Variants in PDE4D observed in about 807,000 individuals in gnomAD.
PDE4D encodes the protein phosphodiesterase 4D.
PDE4D carries 24 observed loss-of-function variants against 87.4 expected under a neutral mutation model. The observed-to-expected ratio is 0.27, with a 90% CI of 0.20 to 0.39. The LOEUF (loss-of-function observed/expected upper bound fraction) is 0.39, where lower values mean the gene tolerates loss of function less well. Among genes scored for constraint, PDE4D ranks in the 10% least tolerant of loss-of-function variants. The pLI, the probability that PDE4D is intolerant of heterozygous loss-of-function variation, is 1.00. For synonymous variants in PDE4D, 384 were observed against 383.2 expected (o/e 1.00, Z -0.02); for missense variants, 714 against 1,041.0 (o/e 0.69, Z 4.32).
chr5:59,001,813 T>A (rs984891063), intron 6 of PDE4D, among the ~76,000 whole-genome samples: 25 of 152,228 alleles, frequency 1.6e-4, no homozygotes, highest in Admixed American at 4.6e-4. Flanking sequence ...CTTAGTATAA[T>A]TACTTCCATT....
chr5:59,276,112 A>G, intron 1 of PDE4D: 14 of 630,522 alleles, frequency 2.2e-5, no homozygotes, highest in Non-Finnish European at 2.7e-5. Flanking sequence ...ACCGCAGGGC[A>G]GTGAGAAAGG....
intron 1 of PDE4D, among the ~76,000 whole-genome samples, chr5:59,817,491 C>T (rs1449905161): frequency 1.3e-5 from 2 of 152,124 alleles, no homozygotes; most frequent in East Asian, 3.9e-4. Flanking sequence ...GACTGTATTG[C>T]GTCCCTCACC....
At chr5:59,495,594 C>T (rs960785890) in intron 1 of PDE4D, among the ~76,000 whole-genome samples, 3 of 152,028 alleles carry the variant, frequency 2.0e-5, no homozygotes, top group African/African-American at 4.8e-5. Flanking sequence ...TGCTTGGATG[C>T]GATAGAGAAG....
intron 1 of PDE4D, among the ~76,000 whole-genome samples, chr5:60,394,335 C>T (rs1024854950): frequency 6.6e-6 from 1 of 152,186 alleles, no homozygotes; most frequent in Admixed American, 6.5e-5. Context: ...ATAGTGGCAG[C>T]TCTTGCCTCC....
chr5:60,251,768 T>C (rs995973387), intron 1 of PDE4D, among the ~76,000 whole-genome samples: 1 of 151,904 alleles, frequency 6.6e-6, no homozygotes, highest in South Asian at 2.1e-4. Context: ...GTAAAAAAGA[T>C]ATTTTTGTAA....
At position 59,369,231 on chromosome 5, in the gene PDE4D, G is replaced by T. The variant is rs1453090848; in HGVS notation, c.456-153263C>A. On this transcript the variant is annotated intron_variant, in intron 1 of 14. Coordinates refer to ENST00000340635, the MANE Select transcript of PDE4D (RefSeq NM_001104631.2). ...GGCAGACAAGGACGGTAACAAGTCT[G>T]TGTAGGAATCTACACATATCTAGTG... is the stretch of plus-strand genomic sequence containing the variant. 3.3e-5 allele frequency among the ~76,000 whole-genome samples: 5 copies of T among 151,914 alleles called. No individual in the cohort carries two copies. The East Asian group carries it at 9.7e-4, about 29-fold the overall frequency.
At chr5:59,677,819 G>A (rs1057038356) in intron 1 of PDE4D, among the ~76,000 whole-genome samples, 2 of 152,092 alleles carry the variant, frequency 1.3e-5, no homozygotes, top group African/African-American at 4.8e-5. Flanking sequence ...CCCCTCCTAG[G>A]TGTGACCCAT....
intron 1 of PDE4D, among the ~76,000 whole-genome samples, chr5:59,709,033 C>A (rs78942111): frequency 0.048 from 7,344 of 151,736 alleles, 247 homozygotes; most frequent in Middle Eastern, 0.15. Flanking sequence ...ACATTTTAGA[C>A]TTAAAAAGTG....
At chr5:59,686,414 GA>G (rs1468035700) in intron 1 of PDE4D, among the ~76,000 whole-genome samples, 3 of 152,102 alleles carry the variant, frequency 2.0e-5, no homozygotes, top group Admixed American at 2.0e-4. Context: ...TGTTGGAGCT[GA>G]AGTTTTCACA....
intron 2 of PDE4D, among the ~76,000 whole-genome samples, chr5:60,034,863 G>C (rs1299498377): frequency 6.6e-6 from 1 of 152,150 alleles, no homozygotes; most frequent in African/African-American, 2.4e-5. Flanking sequence ...TGAGCAATCA[G>C]CATGGGTCAG....
intron 2 of PDE4D, among the ~76,000 whole-genome samples, chr5:60,092,862 G>C (rs952989971): frequency 6.6e-6 from 1 of 152,154 alleles, no homozygotes; most frequent in African/African-American, 2.4e-5. Flanking sequence ...CTTGACTCTG[G>C]GGACAATACA....
At chr5:60,404,537 C>T (rs1219822081) in intron 1 of PDE4D, among the ~76,000 whole-genome samples, 2 of 152,160 alleles carry the variant, frequency 1.3e-5, no homozygotes, top group East Asian at 3.9e-4. Flanking sequence ...TGTGTCTCCT[C>T]TGCCAAGTAG....
intron 1 of PDE4D, among the ~76,000 whole-genome samples, chr5:59,285,549 T>C (rs1031500283): frequency 2.6e-5 from 4 of 152,076 alleles, no homozygotes; most frequent in Non-Finnish European, 5.9e-5. Context: ...AAGGAACTGG[T>C]TGCCAGGGTA....
intron 2 of PDE4D, among the ~76,000 whole-genome samples, chr5:60,026,861 G>A (rs995020628): frequency 4.6e-5 from 7 of 152,204 alleles, no homozygotes; most frequent in African/African-American, 1.7e-4. Context: ...ATTTCATTCT[G>A]CTTCATGTTT....
intron 2 of PDE4D, among the ~76,000 whole-genome samples, chr5:60,056,635 G>A (rs1770807247): frequency 6.6e-6 from 1 of 152,014 alleles, no homozygotes; most frequent in African/African-American, 2.4e-5. Flanking sequence ...TTTGCAAAGG[G>A]AAGTCAAGAG....
chr5:60,337,804 T>G (rs141311719), intron 1 of PDE4D, among the ~76,000 whole-genome samples: 1 of 152,134 alleles, frequency 6.6e-6, no homozygotes, highest in Middle Eastern at 3.4e-3. Context: ...TGCAAACAGA[T>G]TTGTTCAGTC....
chr5:59,562,417 T>C (rs1323983568), intron 1 of PDE4D, among the ~76,000 whole-genome samples: 4 of 152,198 alleles, frequency 2.6e-5, no homozygotes, highest in African/African-American at 9.7e-5. Context: ...TAAATTTGCC[T>C]GTAAAATCAG....
intron 2 of PDE4D, among the ~76,000 whole-genome samples, chr5:60,008,686 A>G (rs754664739): frequency 6.6e-6 from 1 of 152,026 alleles, no homozygotes; most frequent in Non-Finnish European, 1.5e-5. Context: ...AAACCCAAGA[A>G]TGAATGAATA....
intron 1 of PDE4D, among the ~76,000 whole-genome samples, chr5:59,527,765 C>G (rs1212154512): frequency 6.6e-6 from 1 of 152,152 alleles, no homozygotes; most frequent in African/African-American, 2.4e-5. Flanking sequence ...ATTTCTGAGT[C>G]ATCTACTTCT....
Sources: allele counts gnomAD v4.1 joint callset (sites outside exome capture counted in the v4.1 genomes callset), GRCh38; gene constraint gnomAD v4.1.1; transcripts MANE v1.5; gene names NCBI Gene and HGNC (gene_info 2026-07-23, HGNC 2026-07-21).